Variants in ATP11A observed in about 807,000 individuals in gnomAD.
ATP11A encodes phospholipid-transporting ATPase IH.
Under a neutral mutation model 154.4 loss-of-function variants are expected in ATP11A, and 81 were observed. That is an observed-to-expected ratio of 0.52 (90% CI 0.44 to 0.63). The LOEUF is 0.63. ATP11A is among the 30% of genes least tolerant of loss of function. ATP11A has a pLI of 0.00. For synonymous variants in ATP11A, 623 were observed against 585.9 expected, an observed-to-expected ratio of 1.06 and a Z score of -0.91; for missense variants, 1,316 against 1,474.3, an observed-to-expected ratio of 0.89 and a Z score of 1.76.
At chr13:112,759,328 G>C (rs970308556) in intron 1 of ATP11A, among the ~76,000 whole-genome samples, 17 of 152,152 alleles carry the variant, frequency 1.1e-4, no homozygotes, top group African/African-American at 3.9e-4. Context: ...CTCTCACCTG[G>C]GAGCAGTCTT....
intron 1 of ATP11A, among the ~76,000 whole-genome samples, chr13:112,733,127 A>C (rs1216652592): frequency 6.6e-6 from 1 of 152,276 alleles, no homozygotes; most frequent in African/African-American, 2.4e-5. Flanking sequence ...TAAAGAACTA[A>C]TTATACAGGC....
In ATP11A at chr13:112,854,473, A is replaced by G. The variant is rs1287521080; in HGVS notation, c.2186A>G (p.Glu729Gly). Reference sequence around the variant, plus strand: ...CAGAGCCTGCACGACGTCCTGTTCGAGCTGAGCAAGACGGTCCTGCGCCAC... The same window carrying G: ...CAGAGCCTGCACGACGTCCTGTTCGGGCTGAGCAAGACGGTCCTGCGCCAC... ...EEQSLHDVLFELSKTVLRHSG... is the reference protein window; with the variant it reads ...EEQSLHDVLFGLSKTVLRHSG... Residue 729 changes from glutamate (E) to glycine (G), a missense_variant, in exon 19 of 30, where the codon GAG (glutamate) becomes GGG (glycine). By Grantham distance (98) the Glu-to-Gly change is moderately conservative. Coordinates refer to ENST00000375645, the MANE Select transcript of ATP11A (RefSeq NM_015205.3). The G allele has an allele frequency of 1.2e-6, 2 of 1,612,204 alleles. No homozygotes were observed. The highest frequency in any genetic ancestry group is 1.7e-6 in the Non-Finnish European group (2 of 1,179,986).
chr13:112,874,982 T>A (rs2080673507), intron 27 of ATP11A, among the ~76,000 whole-genome samples: 1 of 152,170 alleles, frequency 6.6e-6, no homozygotes, highest in Non-Finnish European at 1.5e-5. Context: ...ACCCCACGTC[T>A]TTGATGTGCT....
At chr13:112,739,771 TTACAATGGAG>T (rs1891348264) in intron 1 of ATP11A, among the ~76,000 whole-genome samples, 2 of 152,212 alleles carry the variant, frequency 1.3e-5, no homozygotes, top group African/African-American at 4.8e-5. Context: ...TGATTTATCC[TTACAATGGAG>T]TAGTATTCAG....
chr13:112,797,982 G>A (rs1418698035), intron 2 of ATP11A, among the ~76,000 whole-genome samples: 1 of 152,206 alleles, frequency 6.6e-6, no homozygotes, highest in African/African-American at 2.4e-5. Context: ...GGTGTCTGGT[G>A]AGGGCCCCAT....
chr13:112,741,580 G>A (rs559072855), intron 1 of ATP11A, among the ~76,000 whole-genome samples: 1 of 152,288 alleles, frequency 6.6e-6, no homozygotes, highest in East Asian at 1.9e-4. Context: ...ACTGGGGCAG[G>A]CCATAGCCTC....
At chr13:112,691,613 C>G (rs1309834402) in intron 1 of ATP11A, among the ~76,000 whole-genome samples, 1 of 151,830 alleles carries the variant, frequency 6.6e-6, no homozygotes. Context: ...ATCACAGGTT[C>G]GAGAAGTCGC....
intron 5 of ATP11A, among the ~76,000 whole-genome samples, chr13:112,814,545 C>G (rs1473601372): frequency 2.0e-5 from 3 of 152,200 alleles, no homozygotes; most frequent in Non-Finnish European, 4.4e-5. Context: ...AGGTTTCAGT[C>G]AGGTTTGTTT....
At chr13:112,755,638 G>C (rs191015536) in intron 1 of ATP11A, among the ~76,000 whole-genome samples, 1 of 152,118 alleles carries the variant, frequency 6.6e-6, no homozygotes, top group Non-Finnish European at 1.5e-5. Context: ...GCGGCTCCTA[G>C]AACCATTTCC....
rs1302799453 is a variant in ATP11A, at chr13:112,696,788, G to C, written c.39+6333G>C. The C allele has an allele frequency of 1.3e-5, 2 of 152,298 alleles. No homozygotes were observed. The highest frequency in any genetic ancestry group is 2.9e-5 in the Non-Finnish European group (2 of 68,160). 9.4% of individuals were successfully genotyped at this position (152,298 alleles called of 1,614,324 possible). On this transcript the variant is annotated intron_variant, in intron 1 of 29. Coordinates refer to ENST00000375645, the MANE Select transcript of ATP11A (RefSeq NM_015205.3). This position sits in a 1 kb window ranked among gnomAD's most constrained non-coding sequence, Gnocchi z 6.2. ...ACTCCGTGGGGCTTTTGTGATCCCA[G>C]CTGCAGTTAGCGAGCGCCCCTGTGT...
intron 1 of ATP11A, among the ~76,000 whole-genome samples, chr13:112,722,216 C>G (rs1889280256): frequency 7.2e-6 from 1 of 139,728 alleles, no homozygotes; most frequent in African/African-American, 2.7e-5. Context: ...CATGAGACAT[C>G]AATCATTGTA....
In ATP11A at chr13:112,801,718, A is replaced by C. The variant is rs138855687; in HGVS notation, c.163-3239A>C. Among the ~76,000 whole-genome samples, 6 of 152,364 alleles carry C rather than the reference A, an allele frequency of 3.9e-5. No individual in the cohort carries two copies. The East Asian group carries it at 1.2e-3, about 29-fold the overall frequency. On this transcript the variant is annotated intron_variant, in intron 2 of 29. Transcript: ENST00000375645. ...CCACCCACCAAATTACACAGGTATA[A>C]ATCTAACAAGATATGTACAAGGTCT...
chr13:112,805,156 C>T lies in ATP11A; in HGVS notation c.252+110C>T, dbSNP rs1054235321. 7.0e-6 allele frequency: 5 copies of T among 715,852 alleles called. No individual in the cohort carries two copies. In the East Asian group the frequency reaches 8.5e-5, roughly 12 times the overall value. The allele number at this position is 715,852 out of a possible 1,614,324, so 44.3% of individuals were successfully genotyped here. A position where few individuals can be genotyped will look rare whatever the true frequency, so the allele number is the denominator to read the frequency against. ...ATGAAAGAGCAAGGACATGGTGCCC[C>T]TCACCTATGATTAATTTATTTATTT... On this transcript the variant is annotated intron_variant, in intron 3 of 29. Transcript: ENST00000375645.
chr13:112,847,985 G>A (rs569492892), intron 17 of ATP11A, among the ~76,000 whole-genome samples: 1 of 152,314 alleles, frequency 6.6e-6, no homozygotes, highest in East Asian at 1.9e-4. Context: ...TAGCTACTAG[G>A]CAGGATGAGA....
intron 1 of ATP11A, among the ~76,000 whole-genome samples, chr13:112,719,129 G>A (rs926383214): frequency 2.0e-5 from 3 of 152,040 alleles, no homozygotes; most frequent in Non-Finnish European, 2.9e-5. Flanking sequence ...GTGAACAGTT[G>A]GAGGGGCCCT....
intron 4 of ATP11A, among the ~76,000 whole-genome samples, chr13:112,810,365 C>G (rs573206605): frequency 6.6e-6 from 1 of 152,332 alleles, no homozygotes; most frequent in South Asian, 2.1e-4. Context: ...ATACACACTT[C>G]GATGAGCATC....
In ATP11A at chr13:112,743,885, A is replaced by G. The variant is rs78887386; in HGVS notation, c.40-41250A>G. 6.3e-3 allele frequency among the ~76,000 whole-genome samples: 961 copies of G among 152,334 alleles called. 13 individuals are homozygous for G. Among genetic ancestry groups the G allele is most frequent in the African/African-American group, 0.022 (909 of 41,564 alleles). Reference sequence around the variant, plus strand: ...TCATTTTGAATTTGGGGAGTTTGCTAAGAACTTTAACCAGGTCTGAAGGAA... The same window carrying G: ...TCATTTTGAATTTGGGGAGTTTGCTGAGAACTTTAACCAGGTCTGAAGGAA... On this transcript the variant is annotated intron_variant, in intron 1 of 29. Transcript: ENST00000375645.
Position 112,871,730 on chromosome 13 carries a change from A to G in ATP11A, c.2992-5A>G, listed in dbSNP as rs377192026. On this transcript the variant is annotated splice_region_variant and splice_polypyrimidine_tract_variant and intron_variant, in intron 25 of 29. Transcript: ENST00000375645. ...GAGATGACTTGGACTATTTTCCCCA[A>G]ACAGATATTTGGAAACTGGACGTTT... 5.0e-6 allele frequency: 8 copies of G among 1,613,862 alleles called. No homozygotes were observed. The highest frequency in any genetic ancestry group is 6.8e-6 in the Non-Finnish European group (8 of 1,179,674).
At chr13:112,720,250 G>A (rs1306355186) in intron 1 of ATP11A, among the ~76,000 whole-genome samples, 3 of 152,252 alleles carry the variant, frequency 2.0e-5, no homozygotes, top group Non-Finnish European at 4.4e-5. Flanking sequence ...TACATGGAAG[G>A]TATACATTGG....
Sources: allele counts gnomAD v4.1 joint callset (sites outside exome capture counted in the v4.1 genomes callset), GRCh38; gene constraint gnomAD v4.1.1; non-coding constraint Gnocchi (gnomAD v3.1); transcripts MANE v1.5; gene names NCBI Gene and HGNC (gene_info 2026-07-23, HGNC 2026-07-21).